RHOJ: variants seen among roughly 807,000 people sequenced by gnomAD.
The protein encoded by RHOJ is ras homolog family member J, also known as rho-related GTP-binding protein RhoJ.
In RHOJ, 11 loss-of-function variants were observed where a neutral mutation model predicts 23.4. That is an observed-to-expected ratio of 0.47 (90% CI 0.30 to 0.78). The LOEUF is 0.78. RHOJ is among the 30% of genes least tolerant of loss of function. The pLI, the probability that RHOJ is intolerant of heterozygous loss-of-function variation, is 0.08. For missense variants in RHOJ, 254 were observed against 273.4 expected, an observed-to-expected ratio of 0.93 and a Z score of 0.50; for synonymous variants, 102 against 102.7, an observed-to-expected ratio of 0.99 and a Z score of 0.04.
intron 1 of RHOJ, among the ~76,000 whole-genome samples, chr14:63,249,990 G>A (rs1324931771): frequency 1.3e-5 from 2 of 152,154 alleles, no homozygotes; most frequent in African/African-American, 2.4e-5. Flanking sequence ...GTTGACCCAG[G>A]ATTAAATCAA....
intron 1 of RHOJ, among the ~76,000 whole-genome samples, chr14:63,240,980 G>C (rs1305101584): frequency 1.3e-5 from 2 of 152,174 alleles, no homozygotes; most frequent in Non-Finnish European, 1.5e-5. Flanking sequence ...CCCATGGCAA[G>C]TCCTCTCCGA....
At chr14:63,274,841 G>A (rs1405770705) in intron 2 of RHOJ, among the ~76,000 whole-genome samples, 1 of 152,024 alleles carries the variant, frequency 6.6e-6, no homozygotes, top group African/African-American at 2.4e-5. Flanking sequence ...CACTATACAT[G>A]GTGCCCACAT....
intron 1 of RHOJ, among the ~76,000 whole-genome samples, chr14:63,211,204 A>G (rs1894230231): frequency 6.6e-6 from 1 of 152,178 alleles, no homozygotes; most frequent in Admixed American, 6.6e-5. Flanking sequence ...AAAAAATAAC[A>G]TAATTATAAT....
At chr14:63,228,407 C>T (rs939986918) in intron 1 of RHOJ, among the ~76,000 whole-genome samples, 2 of 152,194 alleles carry the variant, frequency 1.3e-5, no homozygotes, top group Middle Eastern at 6.8e-3. Context: ...TTCTTGGCAG[C>T]GTTGTTTGTA....
At chr14:63,222,038 T>A (rs1358837430) in intron 1 of RHOJ, among the ~76,000 whole-genome samples, 1 of 142,790 alleles carries the variant, frequency 7.0e-6, no homozygotes, top group Non-Finnish European at 1.5e-5. Context: ...GCGTTCTCAT[T>A]GTTCAATTCC....
intron 1 of RHOJ, among the ~76,000 whole-genome samples, chr14:63,216,832 C>T (rs1266883010): frequency 6.6e-6 from 1 of 152,164 alleles, no homozygotes; most frequent in Non-Finnish European, 1.5e-5. Context: ...CATTTAGCCT[C>T]TTAATAAGTC....
At chr14:63,234,940 T>C (rs1471347362) in intron 1 of RHOJ, among the ~76,000 whole-genome samples, 1 of 152,166 alleles carries the variant, frequency 6.6e-6, no homozygotes, top group East Asian at 1.9e-4. Context: ...CCCTTCCTTT[T>C]AATTTTAAAA....
At chr14:63,248,390 G>C (rs1297745803) in intron 1 of RHOJ, among the ~76,000 whole-genome samples, 1 of 152,048 alleles carries the variant, frequency 6.6e-6, no homozygotes, top group Non-Finnish European at 1.5e-5. Context: ...AGATACCAGT[G>C]TTATGGAAAA....
chr14:63,266,046 G>C (rs1895361269), intron 1 of RHOJ, among the ~76,000 whole-genome samples: 1 of 152,176 alleles, frequency 6.6e-6, no homozygotes, highest in African/African-American at 2.4e-5. Flanking sequence ...GAAAGTGCCA[G>C]ACTCTTAGTT....
chr14:63,279,364 ACATGT>A (rs1175495511), intron 2 of RHOJ, among the ~76,000 whole-genome samples: 1 of 152,254 alleles, frequency 6.6e-6, no homozygotes, highest in Non-Finnish European at 1.5e-5. Flanking sequence ...GTGTATGGAC[ACATGT>A]CATGTTGCGA....
chr14:63,207,277 G>T (rs966334364), intron 1 of RHOJ, among the ~76,000 whole-genome samples: 9 of 152,062 alleles, frequency 5.9e-5, no homozygotes, highest in African/African-American at 2.2e-4. Flanking sequence ...TGTTCTGCCT[G>T]CCTCAGCCTC....
intron 2 of RHOJ, among the ~76,000 whole-genome samples, chr14:63,279,482 T>C (rs1020906686): frequency 2.0e-5 from 3 of 152,244 alleles, no homozygotes; most frequent in Non-Finnish European, 4.4e-5. Flanking sequence ...TAAAACTTTC[T>C]ATTGAAATAT....
At chr14:63,259,888 A>G (rs1452112636) in intron 1 of RHOJ, among the ~76,000 whole-genome samples, 1 of 152,242 alleles carries the variant, frequency 6.6e-6, no homozygotes, top group African/African-American at 2.4e-5. Context: ...GGGAAAAACC[A>G]CAAATACATA....
At chr14:63,267,635 G>A (rs1895391455) in intron 1 of RHOJ, among the ~76,000 whole-genome samples, 1 of 152,206 alleles carries the variant, frequency 6.6e-6, no homozygotes, top group South Asian at 2.1e-4. Flanking sequence ...CATTGTGCAT[G>A]AAGAGGAAAA....
chr14:63,256,371 CT>C (rs1038311045), intron 1 of RHOJ, among the ~76,000 whole-genome samples: 3 of 152,184 alleles, frequency 2.0e-5, no homozygotes, highest in African/African-American at 7.2e-5. Context: ...GACATTTGTC[CT>C]TTAAGCAAGA....
At chr14:63,244,147 A>G (rs1051659472) in intron 1 of RHOJ, among the ~76,000 whole-genome samples, 1 of 152,240 alleles carries the variant, frequency 6.6e-6, no homozygotes, top group Non-Finnish European at 1.5e-5. Flanking sequence ...TGGGAGGAAG[A>G]CGTACGATAC....
chr14:63,291,266 A>G lies in RHOJ; in HGVS notation c.*242A>G. On this transcript the variant is annotated 3_prime_UTR_variant, in exon 5 of 5. Coordinates refer to ENST00000316754, the MANE Select transcript of RHOJ (RefSeq NM_020663.5). ...TGAGAATGCTGGGCCTGGATTGCAG[A>G]CAGTGCCGCTGCTGATCGCATCAAA... The G allele has an allele frequency of 3.7e-6, 2 of 541,592 alleles. No homozygotes were observed. The highest frequency in any genetic ancestry group is 4.0e-5 in the South Asian group (2 of 50,368). The allele number at this position is 541,592 out of a possible 1,614,324, so 33.5% of individuals were successfully genotyped here.
chr14:63,236,535 T>C (rs1216909595), intron 1 of RHOJ, among the ~76,000 whole-genome samples: 1 of 152,052 alleles, frequency 6.6e-6, no homozygotes, highest in African/African-American at 2.4e-5. Flanking sequence ...CTCATGAGAC[T>C]CATTCAACAC....
At chr14:63,274,529 C>T (rs558277545) in intron 2 of RHOJ, among the ~76,000 whole-genome samples, 1 of 152,290 alleles carries the variant, frequency 6.6e-6, no homozygotes, top group South Asian at 2.1e-4. Context: ...TGAATCAGCC[C>T]TGGCATCCAA....
Sources: allele counts gnomAD v4.1 joint callset (sites outside exome capture counted in the v4.1 genomes callset), GRCh38; gene constraint gnomAD v4.1.1; transcripts MANE v1.5; gene names NCBI Gene and HGNC (gene_info 2026-07-23, HGNC 2026-07-21).